USP5: variants seen among roughly 807,000 people sequenced by gnomAD.
The protein encoded by USP5 is ubiquitin specific peptidase 5.
A neutral mutation model predicts 102.5 loss-of-function variants in USP5; 24 were observed. That is an observed-to-expected ratio of 0.23 (90% CI 0.17 to 0.33). The LOEUF (loss-of-function observed/expected upper bound fraction) is 0.33. Ranked by LOEUF, USP5 falls within the 10% of genes least tolerant of loss-of-function variation. USP5 has a pLI of 1.00. For synonymous variants in USP5, 460 were observed against 434.8 expected (o/e 1.06, Z -0.72); for missense variants, 753 against 1,122.1 (o/e 0.67, Z 4.70).
chr12:6,856,408 T>G lies in USP5; in HGVS notation c.542T>G (p.Phe181Cys). ...GTACGGCAGGTGTCTAAGCATGCCT[T>G]CAGCCTCAAGCAGTTGGACAACCCT... ...GEVRQVSKHA[F>C]SLKQLDNPAR... The change falls in exon 5 of 20, where the codon TTC becomes TGC. Residue 181 changes from phenylalanine to cysteine, a missense_variant. Around this residue, in one of 3 missense-constraint regions of USP5, gnomAD observed 527 missense variants for 816.5 expected, o/e 0.65. Coordinates refer to ENST00000229268, the MANE Select transcript of USP5 (RefSeq NM_001098536.2). This position sits in a 1 kb window ranked among gnomAD's most constrained non-coding sequence, Gnocchi z 5.6. The G allele has an allele frequency of 6.2e-7, 1 of 1,613,862 alleles. No homozygotes were observed. Among genetic ancestry groups the G allele is most frequent in the South Asian group, 1.1e-5 (1 of 91,070 alleles).
Position 6,864,836 on chromosome 12 carries a change from T to G in USP5, c.2359T>G (p.Ser787Ala), listed in dbSNP as rs782577208. 4 of 1,613,888 alleles carry G rather than the reference T, an allele frequency of 2.5e-6. No individual in the cohort carries two copies. Among genetic ancestry groups the G allele is most frequent in the Non-Finnish European group, 3.4e-6 (4 of 1,180,018 alleles). Residue 787 changes from serine to alanine, a missense_variant, in exon 18 of 20, where the codon TCT becomes GCT. Ser to Ala is a moderately conservative substitution (Grantham distance 99). Coordinates refer to ENST00000229268, the MANE Select transcript of USP5 (RefSeq NM_001098536.2). The surrounding 1 kb of genome is among the most constrained non-coding windows in gnomAD (Gnocchi z 4.8). Reference sequence around the variant, plus strand: ...CTCAGCTGCCGACTCCATCTCTGAGTCTGTGCCAGTGGGACCTAAAGTCCG... The same window carrying G: ...CTCAGCTGCCGACTCCATCTCTGAGGCTGTGCCAGTGGGACCTAAAGTCCG... The part of the protein sequence containing the change: ...GRSAADSISE[S>A]VPVGPKVRDG...
At position 6,855,108 on chromosome 12, in the gene USP5, G is replaced by A. The variant is rs1462865796; in HGVS notation, c.112-293G>A. On this transcript the variant is annotated intron_variant, in intron 1 of 19. Transcript: ENST00000229268. The surrounding 1 kb of genome is among the most constrained non-coding windows in gnomAD (Gnocchi z 4.6). ...GAGCTCCAAAGCCCAAGAAGGAGCAGGTGGAAAGATAAATGGTGACTGGTG... is the reference window on the plus strand; with the variant it reads ...GAGCTCCAAAGCCCAAGAAGGAGCAAGTGGAAAGATAAATGGTGACTGGTG... 1.3e-5 allele frequency among the ~76,000 whole-genome samples: 2 copies of A among 152,198 alleles called. No individual in the cohort carries two copies. Among genetic ancestry groups the A allele is most frequent in the Non-Finnish European group, 2.9e-5 (2 of 68,050 alleles).
chr12:6,855,590 C>T lies in USP5; in HGVS notation c.237+64C>T. 1 of 1,594,434 alleles carries T rather than the reference C, an allele frequency of 6.3e-7. No individual in the cohort carries two copies. Among genetic ancestry groups the T allele is most frequent in the South Asian group, 1.1e-5 (1 of 88,474 alleles). On this transcript the variant is annotated intron_variant, in intron 2 of 19. Transcript: ENST00000229268. The surrounding 1 kb of genome is among the most constrained non-coding windows in gnomAD (Gnocchi z 4.6). ...TGTTCCATTCTGACCTCCTATTGGA[C>T]TCAGTTTCTTTTTTTCACCTACTTT...
At chr12:6,862,670 C>A in intron 14 of USP5, 112 bp downstream of exon 14, 2 of 950,036 alleles carry the variant, frequency 2.1e-6, no homozygotes, top group Non-Finnish European at 1.6e-6. Flanking sequence ...GAAAAAAAAT[C>A]ACCTTCAATG....
chr12:6,862,540 T>G lies in USP5; in HGVS notation c.1744T>G (p.Trp582Gly). Residue 582 changes from tryptophan (W) to glycine (G), a missense_variant, in exon 14 of 20, where the codon TGG becomes GGG. This residue lies in a region of USP5 where 527 missense variants were observed against 816.5 expected (regional missense o/e 0.65). Coordinates refer to ENST00000229268, the MANE Select transcript of USP5 (RefSeq NM_001098536.2). ...QIKKFTFGLD[W>G]VPKKLDVSIE... Reference sequence around the variant, plus strand: ...CAAGAAGTTCACCTTCGGCTTAGACTGGGTGCCCAAGAAACTGGGTATGGC... The same window carrying G: ...CAAGAAGTTCACCTTCGGCTTAGACGGGGTGCCCAAGAAACTGGGTATGGC... 1 of 1,614,146 alleles carries G rather than the reference T, an allele frequency of 6.2e-7. No homozygotes were observed. Among genetic ancestry groups the G allele is most frequent in the Non-Finnish European group, 8.5e-7 (1 of 1,180,016 alleles).
Position 6,856,238 on chromosome 12 carries a change from G to T in USP5, c.439-67G>T. 1 of 1,605,510 alleles carries T rather than the reference G, an allele frequency of 6.2e-7. No individual in the cohort carries two copies. On this transcript the variant is annotated intron_variant, in intron 4 of 19. Transcript: ENST00000229268. The surrounding 1 kb of genome is among the most constrained non-coding windows in gnomAD (Gnocchi z 5.6). Reference sequence around the variant, plus strand: ...TAGGCAAGCACTGACAAAGCTGAAGGCCAAGGGGAAGAGGGGCATGTGGGG... The same window carrying T: ...TAGGCAAGCACTGACAAAGCTGAAGTCCAAGGGGAAGAGGGGCATGTGGGG...
At position 6,855,293 on chromosome 12, in the gene USP5, G is replaced by C; in HGVS notation, c.112-108G>C. On this transcript the variant is annotated intron_variant, in intron 1 of 19. Coordinates refer to ENST00000229268, the MANE Select transcript of USP5 (RefSeq NM_001098536.2). This position sits in a 1 kb window ranked among gnomAD's most constrained non-coding sequence, Gnocchi z 4.6. ...AAGGGCCACACAGTGTTAGAGAACA[G>C]AACATTTCTTCTGGAACCCAGCAGT... 6.8e-7 allele frequency: 1 copy of C among 1,468,894 alleles called. No individual in the cohort carries two copies. The highest frequency in any genetic ancestry group is 1.4e-5 in the African/African-American group (1 of 70,804). 91.0% of individuals were successfully genotyped at this position (1,468,894 alleles called of 1,614,324 possible). A position where few individuals can be genotyped will look rare whatever the true frequency, so the allele number is the denominator to read the frequency against.
Position 6,855,122 on chromosome 12 carries a change from T to C in USP5, c.112-279T>C, listed in dbSNP as rs1365411748. Among the ~76,000 whole-genome samples the C allele has an allele frequency of 6.6e-6, 1 of 152,072 alleles. No homozygotes were observed. The highest frequency in any genetic ancestry group is 1.5e-5 in the Non-Finnish European group (1 of 68,028). ...AAGAAGGAGCAGGTGGAAAGATAAA[T>C]GGTGACTGGTGTTGCTGTTGAATGG... On this transcript the variant is annotated intron_variant, in intron 1 of 19. Coordinates refer to ENST00000229268, the MANE Select transcript of USP5 (RefSeq NM_001098536.2). This position sits in a 1 kb window ranked among gnomAD's most constrained non-coding sequence, Gnocchi z 4.6.
chr12:6,865,279 A>C (rs1465452535), intron 19 of USP5, 31 bp downstream of exon 19: 2 of 1,595,400 alleles, frequency 1.3e-6, no homozygotes, highest in Non-Finnish European at 1.7e-6. Flanking sequence ...TTTTGAATGG[A>C]GAATGGTGGT....
Position 6,861,357 on chromosome 12 carries a change from A to T in USP5, c.1499-86A>T. ...GCTTTGGAAGGGTAGAGGAACTGAA[A>T]TACGGACACAGAGCCAGTAGGGAGA... On this transcript the variant is annotated intron_variant, in intron 12 of 19. Coordinates refer to ENST00000229268, the MANE Select transcript of USP5 (RefSeq NM_001098536.2). The surrounding 1 kb of genome is among the most constrained non-coding windows in gnomAD (Gnocchi z 4.9). The T allele has an allele frequency of 6.9e-7, 1 of 1,457,008 alleles. No homozygotes were observed. 90.3% of individuals were successfully genotyped at this position (1,457,008 alleles called of 1,614,324 possible).
intron 19 of USP5, 24 bp from the exon 20 acceptor site, chr12:6,865,960 T>G (rs1555130781): frequency 6.2e-7 from 1 of 1,608,232 alleles, no homozygotes; most frequent in Non-Finnish European, 8.5e-7. Context: ...TGTTCATCCT[T>G]TTCTGTTTTC....
In USP5 at chr12:6,858,305, C is replaced by T. The variant is rs1383714683; in HGVS notation, c.865-119C>T. On this transcript the variant is annotated intron_variant, in intron 7 of 19. Transcript: ENST00000229268. The surrounding 1 kb of genome is among the most constrained non-coding windows in gnomAD (Gnocchi z 4.2). The stretch of plus-strand genomic sequence containing the variant: ...ACTCAACATACCTCCCATGTTTGAG[C>T]CTGTAATTCCACAAATTCTAGGCCA... 2 of 1,046,666 alleles carry T rather than the reference C, an allele frequency of 1.9e-6. No individual in the cohort carries two copies. Among genetic ancestry groups the T allele is most frequent in the African/African-American group, 3.2e-5 (2 of 63,408 alleles). 64.8% of individuals were successfully genotyped at this position (1,046,666 alleles called of 1,614,324 possible).
At position 6,863,403 on chromosome 12, in the gene USP5, C is replaced by G. The variant is rs782417017; in HGVS notation, c.1954+26C>G. On this transcript the variant is annotated intron_variant, in intron 15 of 19. Coordinates refer to ENST00000229268, the MANE Select transcript of USP5 (RefSeq NM_001098536.2). This position sits in a 1 kb window ranked among gnomAD's most constrained non-coding sequence, Gnocchi z 4.7. Reference sequence around the variant, plus strand: ...GTTAGTGACTCTTCTTCCTGCCTGTCTCTCTCCCGTGCTGATGGGGGCCTC... The same window carrying G: ...GTTAGTGACTCTTCTTCCTGCCTGTGTCTCTCCCGTGCTGATGGGGGCCTC... The G allele has an allele frequency of 1.2e-6, 2 of 1,605,534 alleles. No homozygotes were observed. Among genetic ancestry groups the G allele is most frequent in the Admixed American group, 1.7e-5 (1 of 59,630 alleles).
chr12:6,864,829 C>G lies in USP5; in HGVS notation c.2352C>G (p.Ile784Met). The change falls in exon 18 of 20, where the codon ATC (isoleucine) becomes ATG (methionine). Residue 784 changes from isoleucine (I) to methionine (M), a missense_variant. Physicochemically the swap from Ile to Met is conservative, Grantham distance 10 (BLOSUM62 1). Around this residue, in one of 3 missense-constraint regions of USP5, gnomAD observed 193 missense variants for 230.2 expected, o/e 0.84. Transcript: ENST00000229268. The surrounding 1 kb of genome is among the most constrained non-coding windows in gnomAD (Gnocchi z 4.8). ...AGGGCCGCTCAGCTGCCGACTCCAT[C>G]TCTGAGTCTGTGCCAGTGGGACCTA... Reference protein sequence around the residue: ...ISEGRSAADSISESVPVGPKV... With the variant: ...ISEGRSAADSMSESVPVGPKV... 2 of 1,614,000 alleles carry G rather than the reference C, an allele frequency of 1.2e-6. No homozygotes were observed. Among genetic ancestry groups the G allele is most frequent in the Non-Finnish European group, 1.7e-6 (2 of 1,180,038 alleles).
At chr12:6,859,073 G>A (rs868979521) in intron 8 of USP5, among the ~76,000 whole-genome samples, 2 of 152,164 alleles carry the variant, frequency 1.3e-5, no homozygotes, top group African/African-American at 4.8e-5. Context: ...ACATGGACAT[G>A]TAGCACTTGG....
rs1379203677 is a variant in USP5, at chr12:6,864,946, A to G, written c.2398+71A>G. On this transcript the variant is annotated intron_variant, in intron 18 of 19. Coordinates refer to ENST00000229268, the MANE Select transcript of USP5 (RefSeq NM_001098536.2). The surrounding 1 kb of genome is among the most constrained non-coding windows in gnomAD (Gnocchi z 4.8). Reference sequence around the variant, plus strand: ...GTCTACTACACCAGATCCCTCATTCAGGCAGCTCTGCCCTCCTCAGGAGTC... The same window carrying G: ...GTCTACTACACCAGATCCCTCATTCGGGCAGCTCTGCCCTCCTCAGGAGTC... 9.0e-6 allele frequency: 14 copies of G among 1,559,112 alleles called. No individual in the cohort carries two copies. In the Admixed American group the frequency reaches 2.3e-4, roughly 26 times the overall value.
intron 1 of USP5, among the ~76,000 whole-genome samples, chr12:6,852,834 G>A (rs1943972455): frequency 6.6e-6 from 1 of 152,170 alleles, no homozygotes; most frequent in African/African-American, 2.4e-5. Context: ...CAGACAGGGG[G>A]CGGGGAGGGG....
rs894182121 is a variant in USP5, at chr12:6,861,985, T to C, written c.1673+368T>C. On this transcript the variant is annotated intron_variant, in intron 13 of 19. Coordinates refer to ENST00000229268, the MANE Select transcript of USP5 (RefSeq NM_001098536.2). This position sits in a 1 kb window ranked among gnomAD's most constrained non-coding sequence, Gnocchi z 4.9. The stretch of plus-strand genomic sequence containing the variant: ...TGAGCCTAGCCATTGGCACCTGGCA[T>C]GGGTGTGAGACCTGAAAAAGGGCTT... Among the ~76,000 whole-genome samples the C allele has an allele frequency of 1.3e-5, 2 of 151,970 alleles. No homozygotes were observed. Among genetic ancestry groups the C allele is most frequent in the South Asian group, 4.2e-4 (2 of 4,804 alleles).
rs782074141 is a variant in USP5, at chr12:6,861,662, G to C, written c.1673+45G>C. The C allele has an allele frequency of 6.9e-7, 1 of 1,459,144 alleles. No individual in the cohort carries two copies. The highest frequency in any genetic ancestry group is 9.1e-7 in the Non-Finnish European group (1 of 1,102,802). The allele number at this position is 1,459,144 out of a possible 1,614,324, so 90.4% of individuals were successfully genotyped here. On this transcript the variant is annotated intron_variant, in intron 13 of 19. Coordinates refer to ENST00000229268, the MANE Select transcript of USP5 (RefSeq NM_001098536.2). The surrounding 1 kb of genome is among the most constrained non-coding windows in gnomAD (Gnocchi z 4.9). Reference sequence around the variant, plus strand: ...CCTGAGGCTGTGGGTCTATGGCAGAGCTATCCCAGAGGATACTTCTGTCTC... The same window carrying C: ...CCTGAGGCTGTGGGTCTATGGCAGACCTATCCCAGAGGATACTTCTGTCTC...
Sources: gnomAD v4.1 joint callset for allele counts (sites outside exome capture counted in the v4.1 genomes callset) on GRCh38, gnomAD v4.1.1 for gene constraint, gnomAD v4.1.1 regional missense constraint, Gnocchi (gnomAD v3.1) non-coding constraint, MANE v1.5 for transcripts, NCBI Gene and HGNC (gene_info 2026-07-23, HGNC 2026-07-21) for gene names.